WNT7A: variants seen among roughly 807,000 people sequenced by gnomAD.
The protein encoded by WNT7A is Wnt family member 7A.
In WNT7A, 16 loss-of-function variants were observed where a neutral mutation model predicts 28.2. The ratio of observed to expected loss-of-function variants is 0.57; its 90% CI spans 0.38 to 0.86. The LOEUF (loss-of-function observed/expected upper bound fraction) is 0.86, where lower values mean the gene tolerates loss of function less well. WNT7A is among the 40% of genes least tolerant of loss of function. The probability of loss-of-function intolerance (pLI) is 0.00; values close to 1 mark genes in which losing one functional copy is unlikely to be tolerated. For missense variants in WNT7A, 411 were observed against 489.7 expected (o/e 0.84, Z 1.52); for synonymous variants, 190 against 195.9 (o/e 0.97, Z 0.25).
chr3:13,841,081 A>T (rs1326129980), intron 3 of WNT7A, among the ~76,000 whole-genome samples: 1 of 152,244 alleles, frequency 6.6e-6, no homozygotes, highest in African/African-American at 2.4e-5. Flanking sequence ...GCATATAGGG[A>T]TTCGGCTCTC....
chr3:13,837,923 G>A (rs141446169), intron 3 of WNT7A, among the ~76,000 whole-genome samples: 94 of 152,328 alleles, frequency 6.2e-4, no homozygotes, highest in East Asian at 9.7e-4. Flanking sequence ...GGCGTCCAGC[G>A]TGCAGGAGCT....
chr3:13,843,310 C>A (rs9849245), intron 3 of WNT7A, among the ~76,000 whole-genome samples: 3,114 of 152,236 alleles, frequency 0.02, 117 homozygotes, highest in African/African-American at 0.071. Flanking sequence ...TGCCTGAGAG[C>A]GTAGGACGAG....
chr3:13,824,185 A>C (rs939683965), intron 3 of WNT7A, among the ~76,000 whole-genome samples: 9 of 152,162 alleles, frequency 5.9e-5, no homozygotes, highest in African/African-American at 2.2e-4. Context: ...CTATCATTAC[A>C]ATCTAATTCT....
At chr3:13,820,671 AAG>A (rs1694092944) in intron 3 of WNT7A, among the ~76,000 whole-genome samples, 1 of 152,148 alleles carries the variant, frequency 6.6e-6, no homozygotes, top group Non-Finnish European at 1.5e-5. Context: ...GGGCCCGTTC[AAG>A]ATGCTGGGGA....
At chr3:13,878,864 A>C (rs1285306867) in intron 1 of WNT7A, among the ~76,000 whole-genome samples, 1 of 151,856 alleles carries the variant, frequency 6.6e-6, no homozygotes, top group Non-Finnish European at 1.5e-5. Flanking sequence ...TCTTAAGTAC[A>C]AAGGGTGACC....
chr3:13,857,977 T>C (rs1694773286), intron 2 of WNT7A, among the ~76,000 whole-genome samples: 1 of 152,148 alleles, frequency 6.6e-6, no homozygotes, highest in Admixed American at 6.5e-5. Flanking sequence ...ACAATTCTTA[T>C]CTATGATGGA....
rs376450012 is a variant in WNT7A, at chr3:13,854,124, G to T, written c.570+408C>A. The stretch of plus-strand genomic sequence containing the variant: ...CCACCTGTGAGGCTCTGACACACAG[G>T]ATGTGGCCAGAAGCCTGAGAAGAGG... On this transcript the variant is annotated intron_variant, in intron 3 of 3. Transcript: ENST00000285018. 3.3e-5 allele frequency among the ~76,000 whole-genome samples: 5 copies of T among 151,966 alleles called. No homozygotes were observed. In the East Asian group the frequency reaches 7.8e-4, roughly 24 times the overall value.
At chr3:13,879,609 T>C in intron 1 of WNT7A, 137 bp downstream of exon 1, 1 of 948,350 alleles carries the variant, frequency 1.1e-6, no homozygotes. Flanking sequence ...CGTCCACCGC[T>C]CCCACACCGC....
chr3:13,832,306 C>G (rs895786838), intron 3 of WNT7A, among the ~76,000 whole-genome samples: 1 of 151,148 alleles, frequency 6.6e-6, no homozygotes, highest in African/African-American at 2.4e-5. Context: ...TCCTCCTCTA[C>G]AGGCTTCTCC....
chr3:13,842,952 A>C (rs969693944), intron 3 of WNT7A, among the ~76,000 whole-genome samples: 1 of 152,206 alleles, frequency 6.6e-6, no homozygotes, highest in Non-Finnish European at 1.5e-5. Context: ...GGACAAGGGC[A>C]GAGGCCCCCT....
chr3:13,868,704 GAA>G, intron 2 of WNT7A, among the ~76,000 whole-genome samples: 1 of 30,964 alleles, frequency 3.2e-5, no homozygotes, highest in African/African-American at 9.8e-5. Context: ...AAGAAAGAAA[GAA>G]AGAAAGAAAG....
At position 13,880,017 on chromosome 3, in the gene WNT7A, A is replaced by G. The variant is rs996504959; in HGVS notation, c.-201T>C. Reference sequence around the variant, plus strand: ...CACGGAGCGGGAGGAGGGAGGGAGGAGCGAGCGCGGCGTGGGGCGACGCCG... The same window carrying G: ...CACGGAGCGGGAGGAGGGAGGGAGGGGCGAGCGCGGCGTGGGGCGACGCCG... On this transcript the variant is annotated 5_prime_UTR_variant, in exon 1 of 4. Transcript: ENST00000285018. The G allele has an allele frequency of 5.3e-6, 2 of 378,300 alleles. No homozygotes were observed. The highest frequency in any genetic ancestry group is 9.3e-6 in the Non-Finnish European group (2 of 215,858). The allele number at this position is 378,300 out of a possible 1,614,324, so 23.4% of individuals were successfully genotyped here. A position where few individuals can be genotyped will look rare whatever the true frequency, so the allele number is the denominator to read the frequency against.
intron 2 of WNT7A, among the ~76,000 whole-genome samples, 166 bp downstream of exon 2, chr3:13,874,781 C>A (rs1695078543): frequency 6.6e-6 from 1 of 152,164 alleles, no homozygotes; most frequent in Non-Finnish European, 1.5e-5. Flanking sequence ...AACCAGAGAC[C>A]TGACCCTCAC....
At chr3:13,878,184 CGGCGGGAG>C (rs1420779369) in intron 1 of WNT7A, among the ~76,000 whole-genome samples, 1 of 151,982 alleles carries the variant, frequency 6.6e-6, no homozygotes, top group African/African-American at 2.4e-5. Flanking sequence ...GCCGCGGCGC[CGGCGGGAG>C]GGCGGCCCGC....
At chr3:13,826,842 T>G (rs1325336732) in intron 3 of WNT7A, among the ~76,000 whole-genome samples, 2 of 152,194 alleles carry the variant, frequency 1.3e-5, no homozygotes, top group East Asian at 3.8e-4. Flanking sequence ...GCTAGGAGGC[T>G]ACTGAAAAGC....
At chr3:13,862,626 G>T (rs2124867813) in intron 2 of WNT7A, among the ~76,000 whole-genome samples, 1 of 152,356 alleles carries the variant, frequency 6.6e-6, no homozygotes, top group South Asian at 2.1e-4. Flanking sequence ...GAACCAGGGA[G>T]CCTCTCAATG....
At chr3:13,869,501 G>C (rs1694994718) in intron 2 of WNT7A, among the ~76,000 whole-genome samples, 2 of 147,854 alleles carry the variant, frequency 1.4e-5, no homozygotes, top group African/African-American at 5.0e-5. Flanking sequence ...GAGGGAAAGA[G>C]AGAGGAAGGG....
intron 3 of WNT7A, among the ~76,000 whole-genome samples, chr3:13,844,850 TCC>T (rs1241624502): frequency 6.6e-6 from 1 of 152,074 alleles, no homozygotes; most frequent in Non-Finnish European, 1.5e-5. Flanking sequence ...AGTTTCTCCT[TCC>T]CTCTAGGACC....
At chr3:13,857,946 G>A (rs1246685909) in intron 2 of WNT7A, among the ~76,000 whole-genome samples, 1 of 152,184 alleles carries the variant, frequency 6.6e-6, no homozygotes, top group Non-Finnish European at 1.5e-5. Context: ...TGAGGAAGTG[G>A]CCCCAAATGC....
Sources: allele counts gnomAD v4.1 joint callset (sites outside exome capture counted in the v4.1 genomes callset), GRCh38; gene constraint gnomAD v4.1.1; transcripts MANE v1.5; gene names NCBI Gene and HGNC (gene_info 2026-07-23, HGNC 2026-07-21).